CHST9: variants seen among roughly 807,000 people sequenced by gnomAD.
The protein encoded by CHST9 is carbohydrate sulfotransferase 9.
A neutral mutation model predicts 44.4 loss-of-function variants in CHST9; 41 were observed. The observed-to-expected ratio is 0.92, with a 90% confidence interval of 0.72 to 1.20. The LOEUF is 1.20. CHST9 is among the 50% of genes most tolerant of loss of function. The pLI, the probability that CHST9 is intolerant of heterozygous loss-of-function variation, is 0.00. For missense variants in CHST9, 504 were observed against 516.5 expected (o/e 0.98, Z 0.23); for synonymous variants, 171 against 178.4 (o/e 0.96, Z 0.33).
At chr18:27,059,955 G>C (rs1181381637) in intron 2 of CHST9, among the ~76,000 whole-genome samples, 1 of 152,186 alleles carries the variant, frequency 6.6e-6, no homozygotes, top group African/African-American at 2.4e-5. Flanking sequence ...ATTGCTTTCA[G>C]GCCTTTACAG....
chr18:26,931,591 C>T (rs1385086711), intron 5 of CHST9, among the ~76,000 whole-genome samples: 1 of 152,214 alleles, frequency 6.6e-6, no homozygotes, highest in African/African-American at 2.4e-5. Context: ...CTGGAGCCTG[C>T]TTCCTCCTGA....
chr18:27,022,259 G>GTTCACAGT (rs1202751492), intron 4 of CHST9, among the ~76,000 whole-genome samples: 3 of 152,256 alleles, frequency 2.0e-5, no homozygotes, highest in African/African-American at 7.2e-5. Flanking sequence ...ATAGTGGCAA[G>GTTCACAGT]AAAATGGGAG....
chr18:27,175,988 T>C (rs541954190), intron 1 of CHST9, among the ~76,000 whole-genome samples: 33 of 152,132 alleles, frequency 2.2e-4, no homozygotes, highest in African/African-American at 7.2e-4. Context: ...GACATTTGAG[T>C]TGATATTTTC....
chr18:27,004,977 G>A (rs186887656), intron 4 of CHST9, among the ~76,000 whole-genome samples: 19 of 152,158 alleles, frequency 1.2e-4, no homozygotes, highest in African/African-American at 4.1e-4. Context: ...TCCTGACATC[G>A]TTTCTTTTAA....
intron 4 of CHST9, among the ~76,000 whole-genome samples, chr18:27,015,561 G>A (rs2057143232): frequency 6.6e-6 from 1 of 152,148 alleles, no homozygotes; most frequent in African/African-American, 2.4e-5. Flanking sequence ...GCGACTCTGT[G>A]TGGAGGGATA....
chr18:26,933,551 T>TCCCCTTGAAATGTTCATTCC (rs2055919535), intron 5 of CHST9: 1 of 153,676 alleles, frequency 6.5e-6, no homozygotes, highest in African/African-American at 2.4e-5. Context: ...CCATTCATTT[T>TCCCCTTGAAATGTTCATTCC]CCCCTTGAAA....
chr18:26,912,374 T>TACACACACACACAC lies in CHST9; in HGVS notation c.*3871_*3884dup, dbSNP rs56288802. 4.3e-5 allele frequency: 5 copies of TACACACACACACAC among 117,254 alleles called. No homozygotes were observed. The highest frequency in any genetic ancestry group is 1.6e-4 in the African/African-American group (5 of 31,734). The allele number at this position is 117,254 out of a possible 1,614,324, so 7.3% of individuals were successfully genotyped here. ...GAAATGTGATAACTAACTAGCTAAA[T>TACACACACACACAC]ACACACACACACACACACACACACA... On this transcript the variant is annotated 3_prime_UTR_variant, in exon 6 of 6. Coordinates refer to ENST00000618847, the MANE Select transcript of CHST9 (RefSeq NM_031422.6).
chr18:26,944,395 C>G (rs765461282), intron 4 of CHST9, 29 bp from the exon 5 acceptor site: 8 of 1,531,748 alleles, frequency 5.2e-6, no homozygotes, highest in Non-Finnish European at 7.2e-6. Context: ...AGAATTTTTA[C>G]ATTAAAGCAT....
At chr18:26,951,026 C>A (rs2056239660) in intron 4 of CHST9, among the ~76,000 whole-genome samples, 1 of 152,060 alleles carries the variant, frequency 6.6e-6, no homozygotes, top group Non-Finnish European at 1.5e-5. Flanking sequence ...GAGAGTCATC[C>A]CAGATTTCTT....
chr18:26,969,595 T>A (rs1292041086), intron 4 of CHST9, among the ~76,000 whole-genome samples: 3 of 152,146 alleles, frequency 2.0e-5, no homozygotes, highest in Non-Finnish European at 4.4e-5. Flanking sequence ...AAGAAAAGGT[T>A]CCTGTTCTTG....
intron 2 of CHST9, among the ~76,000 whole-genome samples, chr18:27,073,706 C>A (rs2057868067): frequency 6.6e-6 from 1 of 151,966 alleles, no homozygotes; most frequent in Admixed American, 6.6e-5. Context: ...ACTCCTGCTG[C>A]ACTCTCTGTG....
chr18:26,943,982 T>C (rs985383264), intron 5 of CHST9, among the ~76,000 whole-genome samples: 3 of 152,098 alleles, frequency 2.0e-5, no homozygotes, highest in African/African-American at 7.2e-5. Context: ...TCACCTTAGT[T>C]AAGGGAAAAG....
chr18:27,106,798 T>C (rs758503784), intron 2 of CHST9, among the ~76,000 whole-genome samples: 1 of 152,216 alleles, frequency 6.6e-6, no homozygotes, highest in Non-Finnish European at 1.5e-5. Flanking sequence ...TACCAGTCTA[T>C]CGCAGTTGGC....
chr18:27,140,252 G>A (rs971858753), intron 2 of CHST9, among the ~76,000 whole-genome samples: 9 of 152,214 alleles, frequency 5.9e-5, no homozygotes, highest in East Asian at 3.9e-4. Flanking sequence ...CCTTGGATAC[G>A]CCCCTTATCC....
At chr18:26,997,409 G>A (rs116266971) in intron 4 of CHST9, among the ~76,000 whole-genome samples, 1 of 152,106 alleles carries the variant, frequency 6.6e-6, no homozygotes, top group African/African-American at 2.4e-5. Flanking sequence ...CCATCTGTGG[G>A]GGTTTGGTTA....
intron 5 of CHST9, among the ~76,000 whole-genome samples, chr18:26,930,154 C>G (rs163223): frequency 0.43 from 65,603 of 152,020 alleles, 14,563 homozygotes; most frequent in East Asian, 0.7. Flanking sequence ...CCAAAGCCTG[C>G]TCTAACCCTC....
chr18:27,081,113 G>A (rs1350841344), intron 2 of CHST9, among the ~76,000 whole-genome samples: 2 of 152,100 alleles, frequency 1.3e-5, no homozygotes, highest in Non-Finnish European at 2.9e-5. Context: ...CCTAGGTGGG[G>A]GCACTTTTTA....
At chr18:27,066,969 T>C (rs2057788297) in intron 2 of CHST9, among the ~76,000 whole-genome samples, 1 of 152,214 alleles carries the variant, frequency 6.6e-6, no homozygotes, top group Non-Finnish European at 1.5e-5. Context: ...TTCTGTTTCA[T>C]GTGTGTGATC....
At chr18:26,964,212 A>G (rs986054372) in intron 4 of CHST9, among the ~76,000 whole-genome samples, 4 of 152,210 alleles carry the variant, frequency 2.6e-5, no homozygotes, top group Non-Finnish European at 5.9e-5. Context: ...TATTGCTCAT[A>G]TCTAACTTAG....
Sources: allele counts gnomAD v4.1 joint callset (sites outside exome capture counted in the v4.1 genomes callset), GRCh38; gene constraint gnomAD v4.1.1; transcripts MANE v1.5; gene names NCBI Gene and HGNC (gene_info 2026-07-23, HGNC 2026-07-21).